The following HTN3 variants were observed in gnomAD, a reference collection of about 807,000 sequenced individuals.
HTN3 encodes histatin 3.
Under a neutral mutation model 10.6 loss-of-function variants are expected in HTN3, and 15 were observed. The ratio of observed to expected loss-of-function variants is 1.42; its 90% CI spans 0.95 to 2.18. The LOEUF is 2.18. Ranked by LOEUF, HTN3 falls within the 30% of genes most tolerant of loss-of-function variation. The pLI is 0.00. For missense variants in HTN3, 68 were observed against 58.0 expected, an observed-to-expected ratio of 1.17 and a Z score of -0.56; for synonymous variants, 15 against 16.9, an observed-to-expected ratio of 0.89 and a Z score of 0.27.
intron 3 of HTN3, 28 bp downstream of exon 3, chr4:70,032,027 T>C: frequency 1.3e-6 from 2 of 1,561,488 alleles, no homozygotes; most frequent in South Asian, 1.1e-5. Context: ...ACTGGAAAAC[T>C]TGATAATTAA....
In HTN3 at chr4:70,031,971, T is replaced by G. The variant is rs745902534; in HGVS notation, c.52-8T>G. 1 of 1,539,718 alleles carries G rather than the reference T, an allele frequency of 6.5e-7. No homozygotes were observed. Among genetic ancestry groups the G allele is most frequent in the East Asian group, 2.3e-5 (1 of 44,122 alleles). Reference sequence around the variant, plus strand: ...ATTAATTATTTTCTCATTTTCTTCTTTTCCAAGGGAGCTGATTCACATGCA... The same window carrying G: ...ATTAATTATTTTCTCATTTTCTTCTGTTCCAAGGGAGCTGATTCACATGCA... On this transcript the variant is annotated splice_polypyrimidine_tract_variant and splice_region_variant and intron_variant, in intron 2 of 5. Coordinates refer to ENST00000673563, the MANE Select transcript of HTN3 (RefSeq NM_000200.3).
intron 1 of HTN3, among the ~76,000 whole-genome samples, chr4:70,030,358 G>T (rs939711145): frequency 6.6e-6 from 1 of 152,080 alleles, no homozygotes; most frequent in African/African-American, 2.4e-5. Flanking sequence ...TATGCCCTGG[G>T]CTCACACCGA....
intron 5 of HTN3, among the ~76,000 whole-genome samples, chr4:70,035,461 T>C (rs1276758592): frequency 1.3e-5 from 2 of 152,212 alleles, no homozygotes; most frequent in Non-Finnish European, 2.9e-5. Flanking sequence ...CCACTAAATC[T>C]GTACCTGGTT....
intron 1 of HTN3, among the ~76,000 whole-genome samples, chr4:70,029,952 T>C (rs760640203): frequency 2.0e-5 from 3 of 152,210 alleles, no homozygotes; most frequent in East Asian, 1.9e-4. Context: ...ATCTGGCTCA[T>C]ATTCACTGAC....
rs1725295757 is a variant in HTN3 at position 70,028,500 on chromosome 4, C to T, written c.-30C>T. 1 of 152,148 alleles carries T rather than the reference C, an allele frequency of 6.6e-6. No individual in the cohort carries two copies. The highest frequency in any genetic ancestry group is 1.5e-5 in the Non-Finnish European group (1 of 68,030). The allele number at this position is 152,148 out of a possible 1,614,324, so 9.4% of individuals were successfully genotyped here. On this transcript the variant is annotated 5_prime_UTR_variant, in exon 1 of 6. Transcript: ENST00000673563. The stretch of plus-strand genomic sequence containing the variant: ...CTTCAGCTTCACTGACTTCTGGATT[C>T]TCCTCTTGAGTAAAAGGTAACATGT...
intron 1 of HTN3, among the ~76,000 whole-genome samples, chr4:70,029,259 AC>A (rs1369744043): frequency 6.6e-6 from 1 of 152,038 alleles, no homozygotes. Flanking sequence ...GTCACAAACA[AC>A]GGTAAAATTG....
At chr4:70,030,951 G>A in intron 2 of HTN3, 160 bp downstream of exon 2, 1 of 583,780 alleles carries the variant, frequency 1.7e-6, no homozygotes, top group Non-Finnish European at 3.0e-6. Context: ...AGTTCTTAAA[G>A]GACTTAGAAT....
At position 70,031,854 on chromosome 4, in the gene HTN3, A is replaced by G. The variant is rs17147980; in HGVS notation, c.52-125A>G. On this transcript the variant is annotated intron_variant, in intron 2 of 5. Transcript: ENST00000673563. The stretch of plus-strand genomic sequence containing the variant: ...ATAAAGCTAAAATAACTAATTTAGC[A>G]TGTCATCATCCAAAGAATGCCTCCA... 14,651 of 672,226 alleles carry G rather than the reference A, an allele frequency of 0.022. 1,718 individuals carry two copies. The African/African-American group carries it at 0.25, about 11-fold the overall frequency. The allele number at this position is 672,226 out of a possible 1,614,324, so 41.6% of individuals were successfully genotyped here.
chr4:70,035,248 C>A (rs1258000267), intron 5 of HTN3, among the ~76,000 whole-genome samples: 1 of 152,134 alleles, frequency 6.6e-6, no homozygotes, highest in East Asian at 1.9e-4. Flanking sequence ...GGTAGGGGAA[C>A]CCCTGTGTTT....
At chr4:70,034,159 T>C (rs1725452777) in intron 5 of HTN3, 3 of 152,170 alleles carry the variant, frequency 2.0e-5, no homozygotes, top group South Asian at 4.1e-4. Context: ...AAAGACTTCA[T>C]GAAGAAAATG....
At chr4:70,031,454 T>C (rs913004841) in intron 2 of HTN3, 12 of 153,780 alleles carry the variant, frequency 7.8e-5, no homozygotes, top group African/African-American at 1.9e-4. Flanking sequence ...AGAATACTAA[T>C]ACTTCAACCT....
chr4:70,030,922 C>A, intron 2 of HTN3, 131 bp downstream of exon 2: 1 of 727,144 alleles, frequency 1.4e-6, no homozygotes, highest in Non-Finnish European at 2.3e-6. Context: ...TAAAGATTTT[C>A]CTTGAATTAA....
intron 5 of HTN3, among the ~76,000 whole-genome samples, chr4:70,035,427 T>C (rs181822118): frequency 2.0e-5 from 3 of 152,336 alleles, no homozygotes; most frequent in Admixed American, 2.0e-4. Flanking sequence ...GGAAGGTGTA[T>C]GGTTGTGGCC....
At chr4:70,030,610 C>T (rs2109706819) in intron 1 of HTN3, 118 bp from the exon 2 acceptor site, 1 of 740,304 alleles carries the variant, frequency 1.4e-6, no homozygotes, top group East Asian at 2.7e-5. Flanking sequence ...CCCTGCACTC[C>T]AGCCTGGAAA....
intron 5 of HTN3, 73 bp from the exon 6 acceptor site, chr4:70,036,193 AC>A (rs1349467428): frequency 6.6e-6 from 1 of 152,218 alleles, no homozygotes; most frequent in Non-Finnish European, 1.5e-5. Context: ...AATACTTTGT[AC>A]CAGGAAAAGT....
intron 2 of HTN3, among the ~76,000 whole-genome samples, 186 bp from the exon 3 acceptor site, chr4:70,031,793 T>C (rs1725387305): frequency 6.6e-6 from 1 of 152,058 alleles, no homozygotes; most frequent in South Asian, 2.1e-4. Context: ...ATATTAATTA[T>C]AGAGAAGTTT....
chr4:70,035,327 A>G (rs773859269), intron 5 of HTN3, among the ~76,000 whole-genome samples: 6 of 152,192 alleles, frequency 3.9e-5, no homozygotes, highest in Non-Finnish European at 8.8e-5. Context: ...CCTTAATTTT[A>G]TAAGAGACAA....
At chr4:70,034,678 AC>A (rs1371799065) in intron 5 of HTN3, among the ~76,000 whole-genome samples, 1 of 152,204 alleles carries the variant, frequency 6.6e-6, no homozygotes, top group African/African-American at 2.4e-5. Flanking sequence ...ATACCATTTG[AC>A]CTAGCAATCC....
intron 5 of HTN3, 33 bp from the exon 6 acceptor site, chr4:70,036,234 G>T (rs993837423): frequency 4.6e-5 from 7 of 151,818 alleles, no homozygotes; most frequent in African/African-American, 1.7e-4. Flanking sequence ...TATCAATTTG[G>T]GCGATAAAGT....
Sources: allele counts gnomAD v4.1 joint callset (sites outside exome capture counted in the v4.1 genomes callset), GRCh38; gene constraint gnomAD v4.1.1; transcripts MANE v1.5; gene names NCBI Gene and HGNC (gene_info 2026-07-23, HGNC 2026-07-21).